UGT2B11: variants seen among roughly 807,000 people sequenced by gnomAD.
UGT2B11 encodes the protein UDP-glucuronosyltransferase 2B11.
In UGT2B11, 49 loss-of-function variants were observed where a neutral mutation model predicts 51.7. That is an observed-to-expected ratio of 0.95 (90% CI 0.75 to 1.20). The LOEUF is 1.20. UGT2B11 is among the 50% of genes most tolerant of loss of function. UGT2B11 has a pLI of 0.00. For synonymous variants in UGT2B11, 273 were observed against 209.0 expected (o/e 1.31, Z -2.64); for missense variants, 810 against 622.1 (o/e 1.30, Z -3.21).
rs1485827081 is a variant in UGT2B11 at position 69,204,613 on chromosome 4, C to G, written c.1127G>C (p.Gly376Ala). The G allele has an allele frequency of 6.2e-7, 1 of 1,611,728 alleles. No individual in the cohort carries two copies. The highest frequency in any genetic ancestry group is 1.7e-5 in the Admixed American group (1 of 59,780). ...PKTRAFITHG[G>A]ANGIYEAIYH... ...GATTGCCTCATAGATGCCATTGGCT[C>G]CACCATGAGTTATAAAAGCTCTGGT... The change falls in exon 5 of 6, where the codon GGA (glycine) becomes GCA (alanine). Residue 376 changes from glycine (G) to alanine (A), a missense_variant. Coordinates refer to ENST00000446444, the MANE Select transcript of UGT2B11 (RefSeq NM_001073.3).
intron 3 of UGT2B11, among the ~76,000 whole-genome samples, chr4:69,208,012 G>T (rs1011202225): frequency 6.6e-6 from 1 of 151,574 alleles, no homozygotes; most frequent in Non-Finnish European, 1.5e-5. Flanking sequence ...AATATATTCA[G>T]TTAATTTCAG....
chr4:69,200,340 A>G lies in UGT2B11; in HGVS notation c.*100T>C. ...TTTTTTTTTTTTTTTTTTTTGTCAC[A>G]GGAAGAAAGAAATCTTGCATAACAA... On this transcript the variant is annotated 3_prime_UTR_variant, in exon 6 of 6. Coordinates refer to ENST00000446444, the MANE Select transcript of UGT2B11 (RefSeq NM_001073.3). The G allele has an allele frequency of 1.9e-6, 2 of 1,067,796 alleles. No homozygotes were observed. The highest frequency in any genetic ancestry group is 2.4e-6 in the Non-Finnish European group (2 of 829,542). 66.1% of individuals were successfully genotyped at this position (1,067,796 alleles called of 1,614,324 possible). A position where few individuals can be genotyped will look rare whatever the true frequency, so the allele number is the denominator to read the frequency against.
chr4:69,220,985 G>T, the UGT2B11 span, among the ~76,000 whole-genome samples: 3 of 152,156 alleles, frequency 2.0e-5, no homozygotes, highest in African/African-American at 7.2e-5. Flanking sequence ...AGGAGGTTAT[G>T]CCTCCAATTC....
At chr4:69,217,947 A>C (rs113801512), upstream of UGT2B11, among the ~76,000 whole-genome samples, 1,232 of 152,210 alleles carry the variant, frequency 8.1e-3, 16 homozygotes, top group African/African-American at 0.028. Context: ...CAAATTTTGG[A>C]ATGGAATTAA....
chr4:69,221,404 G>T, the UGT2B11 span, among the ~76,000 whole-genome samples: 2 of 152,110 alleles, frequency 1.3e-5, no homozygotes, highest in African/African-American at 4.8e-5. Context: ...AAAATGGTGG[G>T]GCCTTTTAGC....
chr4:69,200,400 C>T lies in UGT2B11; in HGVS notation c.*40G>A. 6.5e-7 allele frequency: 1 copy of T among 1,537,120 alleles called. No homozygotes were observed. Among genetic ancestry groups the T allele is most frequent in the Non-Finnish European group, 8.8e-7 (1 of 1,138,774 alleles). On this transcript the variant is annotated 3_prime_UTR_variant, in exon 6 of 6. Coordinates refer to ENST00000446444, the MANE Select transcript of UGT2B11 (RefSeq NM_001073.3). ...TCTTGCTGGAATAAACTGAAGTTGT[C>T]CTATCTATCTGGTTTTCCAGCTTCA...
the UGT2B11 span, among the ~76,000 whole-genome samples, chr4:69,224,124 C>G: frequency 5.9e-5 from 9 of 152,286 alleles, no homozygotes; most frequent in Admixed American, 3.3e-4. Context: ...ATCTTCCGGG[C>G]ACCATCCCAA....
chr4:69,203,232 A>G (rs1450924809), intron 5 of UGT2B11, among the ~76,000 whole-genome samples: 2 of 151,766 alleles, frequency 1.3e-5, no homozygotes, highest in Non-Finnish European at 1.5e-5. Context: ...AAGAAGATAT[A>G]TGAATGGTCA....
intron 4 of UGT2B11, 124 bp from the exon 5 acceptor site, chr4:69,204,773 A>G (rs1216875768): frequency 6.8e-7 from 1 of 1,461,092 alleles, no homozygotes. Flanking sequence ...TACTTTTCAG[A>G]CTTCAGATGA....
At chr4:69,213,423 T>C (rs553396246) in intron 1 of UGT2B11, among the ~76,000 whole-genome samples, 2 of 151,882 alleles carry the variant, frequency 1.3e-5, no homozygotes, top group East Asian at 1.9e-4. Flanking sequence ...GGACTTCAAA[T>C]GCATGATTTC....
chr4:69,223,708 G>A, the UGT2B11 span, among the ~76,000 whole-genome samples: 1 of 152,126 alleles, frequency 6.6e-6, no homozygotes, highest in Non-Finnish European at 1.5e-5. Flanking sequence ...ATGTTCTCTA[G>A]GCCAGGGCTG....
chr4:69,211,246 A>T (rs1722050774), intron 2 of UGT2B11: 2 of 151,584 alleles, frequency 1.3e-5, no homozygotes, highest in African/African-American at 4.8e-5. Flanking sequence ...TTGTCTGCAC[A>T]TATTTGAGGT....
chr4:69,223,505 G>A, the UGT2B11 span, among the ~76,000 whole-genome samples: 16 of 152,256 alleles, frequency 1.1e-4, no homozygotes, highest in Middle Eastern at 3.4e-3. Context: ...GGAGCACAAG[G>A]ACTGTTGGAT....
At position 69,200,716 on chromosome 4, in the gene UGT2B11, A is replaced by T; in HGVS notation, c.1314T>A (p.Tyr438Ter). The part of the protein sequence containing the change: ...ALKTVINDPL[Y>*]KENIMKLSRI... Reference sequence around the variant, plus strand: ...TTGATAATTTCATAATATTCTCTTTATATCTGAAGGATAAAAATAAGGATA... The same window carrying T: ...TTGATAATTTCATAATATTCTCTTTTTATCTGAAGGATAAAAATAAGGATA... The change falls in exon 6 of 6, where the codon TAT becomes TAA. Residue 438 changes from tyrosine (Y) to a stop codon, truncating the protein, a stop_gained. Coordinates refer to ENST00000446444, the MANE Select transcript of UGT2B11 (RefSeq NM_001073.3). LOFTEE classifies it high-confidence loss of function. 6.2e-7 allele frequency: 1 copy of T among 1,607,148 alleles called. No homozygotes were observed. Among genetic ancestry groups the T allele is most frequent in the African/African-American group, 1.3e-5 (1 of 74,538 alleles).
chr4:69,217,593 A>G (rs1477349592), upstream of UGT2B11, among the ~76,000 whole-genome samples: 1 of 152,016 alleles, frequency 6.6e-6, no homozygotes, highest in African/African-American at 2.4e-5. Flanking sequence ...TCTAGTATAA[A>G]GTGACCTTTC....
chr4:69,214,837 A>G (rs1722215959), upstream of UGT2B11: 1 of 1,482,070 alleles, frequency 6.7e-7, no homozygotes, highest in Non-Finnish European at 9.0e-7. Context: ...AATATATTAT[A>G]GGAGCATCCT....
chr4:69,219,473 T>C (rs1196105970), upstream of UGT2B11, among the ~76,000 whole-genome samples: 1 of 143,860 alleles, frequency 7.0e-6, no homozygotes, highest in Non-Finnish European at 1.5e-5. Flanking sequence ...ATTGATTTTG[T>C]TCTAGGGTTT....
intron 5 of UGT2B11, among the ~76,000 whole-genome samples, chr4:69,204,127 T>C (rs1721759479): frequency 6.6e-6 from 1 of 150,730 alleles, no homozygotes; most frequent in Admixed American, 6.6e-5. Context: ...TCAAGTTTAT[T>C]CTTCCTTTCT....
upstream of UGT2B11, chr4:69,214,839 G>A: frequency 6.8e-7 from 1 of 1,469,178 alleles, no homozygotes; most frequent in Non-Finnish European, 9.1e-7. Context: ...TATATTATAG[G>A]AGCATCCTGA....
Sources: gnomAD v4.1 joint callset for allele counts (sites outside exome capture counted in the v4.1 genomes callset) on GRCh38, gnomAD v4.1.1 for gene constraint, MANE v1.5 for transcripts, NCBI Gene and HGNC (gene_info 2026-07-23, HGNC 2026-07-21) for gene names.